FRMPD2: variants seen among roughly 807,000 people sequenced by gnomAD.
FRMPD2 encodes the protein FERM and PDZ domain-containing protein 2.
A neutral mutation model predicts 140.1 loss-of-function variants in FRMPD2; 96 were observed. The observed-to-expected ratio is 0.69, with a 90% CI of 0.58 to 0.81. FRMPD2 has a LOEUF of 0.81. Ranked by LOEUF, FRMPD2 falls within the 40% of genes least tolerant of loss-of-function variation. The pLI, the probability that FRMPD2 is intolerant of heterozygous loss-of-function variation, is 0.00. For missense variants in FRMPD2, 1,240 were observed against 1,447.4 expected (o/e 0.86, Z 2.32); for synonymous variants, 449 against 547.6 (o/e 0.82, Z 2.52).
intron 1 of FRMPD2, among the ~76,000 whole-genome samples, chr10:48,261,238 G>A (rs548061355): frequency 2.0e-5 from 3 of 152,140 alleles, no homozygotes; most frequent in Non-Finnish European, 4.4e-5. Flanking sequence ...TTGAATAATG[G>A]CTGAGAATAT....
chr10:48,193,231 G>A (rs1049508066), intron 15 of FRMPD2, among the ~76,000 whole-genome samples: 19 of 152,214 alleles, frequency 1.2e-4, no homozygotes, highest in Admixed American at 6.5e-4. Context: ...TGCGAAATCA[G>A]CTGCCCCATC....
intron 25 of FRMPD2, among the ~76,000 whole-genome samples, chr10:48,171,621 C>G (rs1310764930): frequency 6.6e-6 from 1 of 152,246 alleles, no homozygotes; most frequent in Admixed American, 6.5e-5. Context: ...TTTTATTCTT[C>G]TTACGAACTA....
intron 12 of FRMPD2, among the ~76,000 whole-genome samples, chr10:48,219,908 A>G (rs1839541832): frequency 6.6e-6 from 1 of 152,190 alleles, no homozygotes; most frequent in Non-Finnish European, 1.5e-5. Context: ...TTGGCCTTGG[A>G]GTAACACGTC....
intron 16 of FRMPD2, among the ~76,000 whole-genome samples, chr10:48,188,693 C>T (rs886410381): frequency 3.9e-5 from 6 of 152,122 alleles, no homozygotes; most frequent in African/African-American, 9.7e-5. Flanking sequence ...TGGGAGGAGC[C>T]GAGAGAGGCG....
At position 48,240,341 on chromosome 10, in the gene FRMPD2, G is replaced by T. The variant is rs1220065575; in HGVS notation, c.700+19C>A. 1 of 1,608,478 alleles carries T rather than the reference G, an allele frequency of 6.2e-7. No individual in the cohort carries two copies. Among genetic ancestry groups the T allele is most frequent in the Non-Finnish European group, 8.5e-7 (1 of 1,179,372 alleles). Reference sequence around the variant, plus strand: ...GGTACCATCAGCCCACGCAGGGACTGCTTAGGGCACGTACCCACCTCTGCA... The same window carrying T: ...GGTACCATCAGCCCACGCAGGGACTTCTTAGGGCACGTACCCACCTCTGCA... On this transcript the variant is annotated intron_variant, in intron 6 of 28. Coordinates refer to ENST00000374201, the MANE Select transcript of FRMPD2 (RefSeq NM_001018071.4).
intron 21 of FRMPD2, among the ~76,000 whole-genome samples, 186 bp downstream of exon 21, chr10:48,180,617 C>G (rs1838522027): frequency 6.6e-6 from 1 of 152,066 alleles, no homozygotes; most frequent in African/African-American, 2.4e-5. Flanking sequence ...TTTTTCTCAA[C>G]AACCATGCCA....
intron 27 of FRMPD2, among the ~76,000 whole-genome samples, chr10:48,166,557 C>T (rs1838105037): frequency 1.6e-5 from 2 of 121,722 alleles, no homozygotes; most frequent in Non-Finnish European, 3.5e-5. Flanking sequence ...GGGTCCCTGC[C>T]ACCTCCACAA....
chr10:48,192,754 G>C lies in FRMPD2; in HGVS notation c.2095C>G (p.Leu699Val). The change falls in exon 16 of 29, where the codon CTG (leucine) becomes GTG (valine). Residue 699 changes from leucine (L) to valine (V), a missense_variant. Transcript: ENST00000374201. ...TTGAAGTTATCCATTGATGTACTCA[G>C]CAGGCCTCCTGCAGCACCCTGAAGC... ...SRLQGAAGGL[L>V]STSMDNFNVD... is the part of the protein sequence containing the mutation. 1 of 1,614,148 alleles carries C rather than the reference G, an allele frequency of 6.2e-7. No individual in the cohort carries two copies. Among genetic ancestry groups the C allele is most frequent in the Admixed American group, 1.7e-5 (1 of 60,028 alleles).
At chr10:48,237,899 A>G in intron 8 of FRMPD2, 92 bp downstream of exon 8, 1 of 1,473,996 alleles carries the variant, frequency 6.8e-7, no homozygotes, top group Non-Finnish European at 9.5e-7. Context: ...GTCCCCTAGA[A>G]GACCCTGCCC....
At chr10:48,214,825 AGAAT>A (rs1414043198) in intron 12 of FRMPD2, among the ~76,000 whole-genome samples, 1 of 152,250 alleles carries the variant, frequency 6.6e-6, no homozygotes, top group Non-Finnish European at 1.5e-5. Flanking sequence ...CCACAATACA[AGAAT>A]GAAGAAGTGA....
At chr10:48,240,314 T>C (rs1181386332) in intron 6 of FRMPD2, 46 bp downstream of exon 6, 3 of 1,590,188 alleles carry the variant, frequency 1.9e-6, no homozygotes, top group Non-Finnish European at 2.6e-6. Flanking sequence ...AAAAATAGAA[T>C]GGGTACCATC....
chr10:48,245,509 A>G (rs952547293), intron 3 of FRMPD2, among the ~76,000 whole-genome samples: 2 of 152,214 alleles, frequency 1.3e-5, no homozygotes, highest in Non-Finnish European at 2.9e-5. Context: ...TCATCTTAAA[A>G]ATGAGTATTC....
chr10:48,268,764 TGTGGTA>T (rs747693600), intron 1 of FRMPD2, among the ~76,000 whole-genome samples: 1 of 152,188 alleles, frequency 6.6e-6, no homozygotes, highest in Non-Finnish European at 1.5e-5. Flanking sequence ...GTATCTTGAT[TGTGGTA>T]GTGGTTACAT....
chr10:48,193,059 A>C, intron 15 of FRMPD2, 165 bp from the exon 16 acceptor site: 1 of 613,296 alleles, frequency 1.6e-6, no homozygotes, highest in Admixed American at 2.8e-5. Flanking sequence ...AAGGTCTCCT[A>C]ATTAGCACTT....
At chr10:48,227,919 A>G (rs996235967) in intron 10 of FRMPD2, among the ~76,000 whole-genome samples, 1 of 152,234 alleles carries the variant, frequency 6.6e-6, no homozygotes, top group African/African-American at 2.4e-5. Context: ...ACTTGTCAAC[A>G]TTAAACATAA....
chr10:48,171,776 T>G (rs2132405805), intron 25 of FRMPD2, among the ~76,000 whole-genome samples: 1 of 152,270 alleles, frequency 6.6e-6, no homozygotes, highest in East Asian at 1.9e-4. Context: ...ATATAGCTGC[T>G]AGGCATACAC....
chr10:48,267,722 C>T (rs966708177), intron 1 of FRMPD2, among the ~76,000 whole-genome samples: 4 of 152,082 alleles, frequency 2.6e-5, no homozygotes, highest in Non-Finnish European at 4.4e-5. Context: ...TTATTTATAA[C>T]CAAAAAGTGG....
intron 12 of FRMPD2, among the ~76,000 whole-genome samples, chr10:48,216,482 C>G (rs1055826690): frequency 6.6e-6 from 1 of 152,182 alleles, no homozygotes; most frequent in Non-Finnish European, 1.5e-5. Context: ...ACTCAAACTC[C>G]CACCTGCCTC....
intron 1 of FRMPD2, among the ~76,000 whole-genome samples, chr10:48,261,765 CA>C (rs1455742202): frequency 2.0e-5 from 3 of 152,050 alleles, no homozygotes; most frequent in South Asian, 2.1e-4. Context: ...ATTATAATAG[CA>C]ACAACATCTT....
Sources: allele counts gnomAD v4.1 joint callset (sites outside exome capture counted in the v4.1 genomes callset), GRCh38; gene constraint gnomAD v4.1.1; transcripts MANE v1.5; gene names NCBI Gene and HGNC (gene_info 2026-07-23, HGNC 2026-07-21).